Variants in RB1CC1 observed in about 807,000 individuals in gnomAD.
The protein encoded by RB1CC1 is RB1-inducible coiled-coil protein 1.
RB1CC1 carries 46 observed loss-of-function variants against 177.5 expected under a neutral mutation model. The ratio of observed to expected loss-of-function variants is 0.26; its 90% CI spans 0.20 to 0.33. The LOEUF is 0.33. Ranked by LOEUF, RB1CC1 falls within the 10% of genes least tolerant of loss-of-function variation. RB1CC1 has a pLI of 1.00. For missense variants in RB1CC1, 1,703 were observed against 1,816.3 expected, an observed-to-expected ratio of 0.94 and a Z score of 1.13; for synonymous variants, 666 against 613.6, an observed-to-expected ratio of 1.09 and a Z score of -1.26.
At chr8:52,659,526 T>TA (rs760241543) in intron 12 of RB1CC1, among the ~76,000 whole-genome samples, 235 of 151,300 alleles carry the variant, frequency 1.6e-3, no homozygotes, top group Middle Eastern at 0.014. Context: ...AGAGTTGCAT[T>TA]AAAAAAAAAC....
chr8:52,628,905 A>G (rs1285434195), intron 21 of RB1CC1, among the ~76,000 whole-genome samples: 1 of 152,232 alleles, frequency 6.6e-6, no homozygotes, highest in Non-Finnish European at 1.5e-5. Context: ...AATGTCTTTT[A>G]TTTATTAAGT....
chr8:52,698,624 TTAATAAGGC>T (rs1855680639), intron 1 of RB1CC1, among the ~76,000 whole-genome samples: 3 of 147,472 alleles, frequency 2.0e-5, no homozygotes, highest in Non-Finnish European at 4.5e-5. Flanking sequence ...AGAATAACTT[TTAATAAGGC>T]TTACAGTATT....
rs149266414 is a variant in RB1CC1 at position 52,641,582 on chromosome 8, C to A, written c.4337+769G>T. Among the ~76,000 whole-genome samples, 420 of 151,990 alleles carry A rather than the reference C, an allele frequency of 2.8e-3. 3 individuals are homozygous for A. Among genetic ancestry groups the A allele is most frequent in the African/African-American group, 9.0e-3 (372 of 41,448 alleles). ...ACCTGGATCTGTTTGAACGAGGGGA[C>A]CACGCTGATTCTATGATATCTTTTG... On this transcript the variant is annotated intron_variant, in intron 18 of 23. Coordinates refer to ENST00000025008, the MANE Select transcript of RB1CC1 (RefSeq NM_014781.5).
chr8:52,652,068 T>C (rs1265873766), intron 15 of RB1CC1, among the ~76,000 whole-genome samples: 4 of 152,218 alleles, frequency 2.6e-5, no homozygotes, highest in East Asian at 3.8e-4. Flanking sequence ...CAGCATAAGG[T>C]TGGATTTTTT....
rs534505916 is a variant in RB1CC1, at chr8:52,668,323, C to G, written c.1003-132G>C. On this transcript the variant is annotated intron_variant, in intron 7 of 23. Coordinates refer to ENST00000025008, the MANE Select transcript of RB1CC1 (RefSeq NM_014781.5). ...ATAAAAAAGCAAAAGCATGGGAACT[C>G]TAAGTTATACTTTCATAAGAAGGTC... 2.5e-5 allele frequency: 24 copies of G among 970,000 alleles called. No homozygotes were observed. The East Asian group carries it at 6.1e-4, about 25-fold the overall frequency. 60.1% of individuals were successfully genotyped at this position (970,000 alleles called of 1,614,324 possible).
chr8:52,691,505 C>A (rs1285909351), intron 1 of RB1CC1, among the ~76,000 whole-genome samples: 1 of 152,166 alleles, frequency 6.6e-6, no homozygotes, highest in Non-Finnish European at 1.5e-5. Context: ...ACACTGGCTC[C>A]AGAACCTAGG....
chr8:52,668,526 C>A (rs995506990), intron 7 of RB1CC1, among the ~76,000 whole-genome samples: 1 of 152,196 alleles, frequency 6.6e-6, no homozygotes, highest in Non-Finnish European at 1.5e-5. Context: ...ATCAATGCAA[C>A]TTCTCTTTAA....
chr8:52,653,708 G>C (rs773915868), intron 15 of RB1CC1, among the ~76,000 whole-genome samples: 70 of 152,158 alleles, frequency 4.6e-4, no homozygotes, highest in Non-Finnish European at 8.5e-4. Flanking sequence ...GGCAGCAGAA[G>C]TGGTCTGAAT....
chr8:52,710,675 A>G (rs1248834253), intron 1 of RB1CC1, among the ~76,000 whole-genome samples: 2 of 152,112 alleles, frequency 1.3e-5, no homozygotes, highest in Non-Finnish European at 2.9e-5. Context: ...GTTGTGTTTT[A>G]TTTTATAACG....
At chr8:52,654,594 CTCT>C (rs1850919047) in intron 15 of RB1CC1, among the ~76,000 whole-genome samples, 1 of 152,158 alleles carries the variant, frequency 6.6e-6, no homozygotes, top group Admixed American at 6.5e-5. Flanking sequence ...CTCTGTTTTC[CTCT>C]TATTTCACTT....
chr8:52,633,169 C>A (rs962020960), intron 20 of RB1CC1, among the ~76,000 whole-genome samples: 6 of 152,120 alleles, frequency 3.9e-5, no homozygotes, highest in African/African-American at 1.4e-4. Flanking sequence ...GTGTCCTGAC[C>A]ACCTTGGGCA....
chr8:52,684,974 A>G (rs1300655746), intron 3 of RB1CC1, among the ~76,000 whole-genome samples: 1 of 151,806 alleles, frequency 6.6e-6, no homozygotes, highest in Non-Finnish European at 1.5e-5. Flanking sequence ...TGTTGGGATA[A>G]AAGATTTAAG....
chr8:52,624,676 T>C lies in RB1CC1; in HGVS notation c.4707+41A>G, dbSNP rs753039558. 185 of 1,471,038 alleles carry C rather than the reference T, an allele frequency of 1.3e-4. 1 individual carries two copies. Among genetic ancestry groups the C allele is most frequent in the Non-Finnish European group, 1.7e-4 (176 of 1,052,868 alleles). 91.1% of individuals were successfully genotyped at this position (1,471,038 alleles called of 1,614,324 possible). A position where few individuals can be genotyped will look rare whatever the true frequency, so the allele number is the denominator to read the frequency against. The stretch of plus-strand genomic sequence containing the variant: ...ATATAAAGCAGTATTAAAATCTTCT[T>C]TACAGTTCCCAGGCTTAGTATCACA... On this transcript the variant is annotated intron_variant, in intron 23 of 23. Transcript: ENST00000025008.
In RB1CC1 at chr8:52,642,761, T is replaced by C. The variant is rs1849692815; in HGVS notation, c.4039A>G (p.Ile1347Val). The C allele has an allele frequency of 1.9e-6, 3 of 1,579,908 alleles. No individual in the cohort carries two copies. The highest frequency in any genetic ancestry group is 1.4e-5 in the African/African-American group (1 of 72,922). Reference sequence around the variant, plus strand: ...TTCAACTTATCACTAAGATCATTTATTATGTTTTCTTTTCTCATTTTCTCT... The same window carrying C: ...TTCAACTTATCACTAAGATCATTTACTATGTTTTCTTTTCTCATTTTCTCT... ...TREKMRKENI[I>V]NDLSDKLKST... The change falls in exon 17 of 24, where the codon ATA (isoleucine) becomes GTA (valine). Residue 1347 changes from isoleucine to valine, a missense_variant. Ile to Val is a conservative substitution (Grantham distance 29). Coordinates refer to ENST00000025008, the MANE Select transcript of RB1CC1 (RefSeq NM_014781.5).
In RB1CC1 at chr8:52,642,396, T is replaced by A; in HGVS notation, c.4292A>T (p.Glu1431Val). The A allele has an allele frequency of 6.2e-7, 1 of 1,614,100 alleles. No individual in the cohort carries two copies. Among genetic ancestry groups the A allele is most frequent in the East Asian group, 2.2e-5 (1 of 44,856 alleles). ...SDRSAVETAD[E>V]GRVDSAMETS... ...CTCCATTGCTGAATCCACTCTTCCT[T>A]CATCTGCTGTTTCCACAGCGGATCT... The change falls in exon 18 of 24, where the codon GAA becomes GTA. Residue 1431 changes from glutamate (E) to valine (V), a missense_variant. Physicochemically the swap from Glu to Val is moderately radical, Grantham distance 121 (BLOSUM62 -2). This residue lies in a region of RB1CC1 where 1,169 missense variants were observed against 1,184.7 expected (regional missense o/e 0.99). Coordinates refer to ENST00000025008, the MANE Select transcript of RB1CC1 (RefSeq NM_014781.5).
intron 12 of RB1CC1, among the ~76,000 whole-genome samples, chr8:52,659,910 C>G (rs780950530): frequency 2.1e-4 from 32 of 152,086 alleles, no homozygotes; most frequent in African/African-American, 7.7e-4. Context: ...GGCACAAGAA[C>G]AGCTTGAACC....
At chr8:52,668,464 A>C (rs896668610) in intron 7 of RB1CC1, among the ~76,000 whole-genome samples, 5 of 152,210 alleles carry the variant, frequency 3.3e-5, no homozygotes, top group African/African-American at 7.2e-5. Flanking sequence ...ACTTGTCAAT[A>C]TCTCTCAGAA....
rs1482559020 is a variant in RB1CC1 at position 52,623,332 on chromosome 8, A to G, written c.*450T>C. On this transcript the variant is annotated 3_prime_UTR_variant, in exon 24 of 24. Coordinates refer to ENST00000025008, the MANE Select transcript of RB1CC1 (RefSeq NM_014781.5). ...TCCTCTTTATTTTAAATAGTTCTGA[A>G]TAATTTATACATTTTATAAAGAATG... 9.4e-6 allele frequency: 2 copies of G among 213,584 alleles called. No homozygotes were observed. Among genetic ancestry groups the G allele is most frequent in the Non-Finnish European group, 1.9e-5 (2 of 104,668 alleles). The allele number at this position is 213,584 out of a possible 1,614,324, so 13.2% of individuals were successfully genotyped here.
intron 22 of RB1CC1, among the ~76,000 whole-genome samples, chr8:52,626,088 G>A (rs547776442): frequency 6.6e-6 from 1 of 152,154 alleles, no homozygotes; most frequent in Admixed American, 6.5e-5. Flanking sequence ...CATCCAAAAA[G>A]AATCATCTAA....
Sources: allele counts gnomAD v4.1 joint callset (sites outside exome capture counted in the v4.1 genomes callset), GRCh38; gene constraint gnomAD v4.1.1; regional missense constraint gnomAD v4.1.1; transcripts MANE v1.5; gene names NCBI Gene and HGNC (gene_info 2026-07-23, HGNC 2026-07-21).